ZNF185: variants seen among roughly 807,000 people sequenced by gnomAD.
The protein encoded by ZNF185 is zinc finger protein 185 with LIM domain, also known as zinc finger protein 185.
In ZNF185, 56 loss-of-function variants were observed where a neutral mutation model predicts 58.6. The ratio of observed to expected loss-of-function variants is 0.95; its 90% CI spans 0.77 to 1.19. The LOEUF (loss-of-function observed/expected upper bound fraction) is 1.19, where lower values mean the gene tolerates loss of function less well. Ranked by LOEUF, ZNF185 falls within the 50% of genes most tolerant of loss-of-function variation. The pLI, the probability that ZNF185 is intolerant of heterozygous loss-of-function variation, is 0.00. For synonymous variants in ZNF185, 230 were observed against 215.9 expected (o/e 1.07, Z -0.57); for missense variants, 627 against 573.5 (o/e 1.09, Z -0.95).
chrX:152,914,878 G>A (rs1556864483), intron 2 of ZNF185, 45 bp downstream of exon 3: 3 of 1,155,853 alleles, frequency 2.6e-6, no homozygotes, highest in Non-Finnish European at 3.5e-6. Flanking sequence ...GTGGGGGCGC[G>A]CAATCCGTGG....
intron 5 of ZNF185, chrX:152,917,759 A>G (rs782368970): frequency 2.6e-4 from 252 of 977,733 alleles, no homozygotes; most frequent in Non-Finnish European, 3.3e-4. Context: ...GTTGCATGCA[A>G]TTCAAGCACC....
chrX:152,914,590 C>G (rs1937983165), intron 1 of ZNF185, 67 bp downstream of exon 2: 1 of 1,152,254 alleles, frequency 8.7e-7, no homozygotes, highest in Non-Finnish European at 1.2e-6. Flanking sequence ...CCTGCCCCTA[C>G]AGGCCACAAG....
intron 20 of ZNF185, among the ~76,000 whole-genome samples, chrX:152,968,644 G>A (rs2050362829): frequency 8.9e-6 from 1 of 112,754 alleles, no homozygotes; most frequent in Admixed American, 9.3e-5. Flanking sequence ...TGGGTCCTCC[G>A]ACAGAGCTAA....
intron 9 of ZNF185, among the ~76,000 whole-genome samples, chrX:152,921,155 G>A (rs141598132): frequency 8.0e-5 from 9 of 112,324 alleles, no homozygotes; most frequent in African/African-American, 2.9e-4. Context: ...GCCCTAAAGG[G>A]TGAACAGGGC....
chrX:152,926,724 T>C (rs1336083872), intron 11 of ZNF185, among the ~76,000 whole-genome samples: 4 of 111,405 alleles, frequency 3.6e-5, no homozygotes, highest in Non-Finnish European at 7.5e-5. Flanking sequence ...GGGTAGCGGG[T>C]TGTGGGGGAG....
chrX:152,940,951 T>C (rs1330453861), intron 15 of ZNF185, among the ~76,000 whole-genome samples: 4 of 111,843 alleles, frequency 3.6e-5, no homozygotes, highest in African/African-American at 1.3e-4. Context: ...GAGGAGAATA[T>C]ATTGAGGCAT....
chrX:152,959,638 C>A (rs1335042822), intron 16 of ZNF185, 61 bp from the exon 19 acceptor site: 49 of 1,123,221 alleles, frequency 4.4e-5, no homozygotes, highest in Non-Finnish European at 5.7e-5. Flanking sequence ...GCCTACCTGC[C>A]ATGGGAGAAC....
exon 23 of ZNF185, chrX:152,971,398 TG>T (rs1192518251): frequency 8.9e-6 from 1 of 112,055 alleles, no homozygotes; most frequent in Non-Finnish European, 1.9e-5. Flanking sequence ...GATTTCTTCA[TG>T]CTTTTGCCCT....
intron 21 of ZNF185, 49 bp from the exon 24 acceptor site, chrX:152,970,394 C>T (rs782686758): frequency 4.4e-6 from 5 of 1,149,253 alleles, no homozygotes; most frequent in Non-Finnish European, 5.9e-6. Flanking sequence ...TCCACTCATT[C>T]CTCTTGCTTT....
intron 15 of ZNF185, among the ~76,000 whole-genome samples, chrX:152,940,929 G>C (rs1325922337): frequency 8.9e-6 from 1 of 111,958 alleles, no homozygotes; most frequent in Non-Finnish European, 1.9e-5. Context: ...AGTTGGGCAT[G>C]AATTCCAAAG....
intron 15 of ZNF185, among the ~76,000 whole-genome samples, chrX:152,939,574 AACATGCTGTGTGATCTC>A (rs1323995574): frequency 9.0e-6 from 1 of 111,512 alleles, no homozygotes; most frequent in African/African-American, 3.3e-5. Flanking sequence ...TAACATGGTT[AACATGCTGTGTGATCTC>A]ACCTTAATTT....
At chrX:152,941,951 G>A in intron 15 of ZNF185, 1 of 959,164 alleles carries the variant, frequency 1.0e-6, no homozygotes, top group East Asian at 3.8e-5. Flanking sequence ...AGCTTGTTTC[G>A]CAGGGAGCCC....
exon 18 of ZNF185, chrX:152,963,847 G>T (rs1556912212): frequency 8.3e-7 from 1 of 1,209,759 alleles, no homozygotes; most frequent in South Asian, 1.8e-5. Flanking sequence ...AGGGTGAGGA[G>T]CCCCTCGAGC....
At chrX:152,932,589 A>G (rs782548759) in intron 13 of ZNF185, among the ~76,000 whole-genome samples, 2 of 112,093 alleles carry the variant, frequency 1.8e-5, no homozygotes, top group South Asian at 7.5e-4. Flanking sequence ...CCAGACCCAC[A>G]TGTCTTGCCC....
upstream of ZNF185, among the ~76,000 whole-genome samples, chrX:152,913,335 C>T (rs1230375978): frequency 8.9e-6 from 1 of 112,475 alleles, no homozygotes; most frequent in Admixed American, 9.3e-5. Flanking sequence ...CTCCCTGCAG[C>T]TCTGGGTCGC....
At chrX:152,928,495 C>T (rs1941298784) in intron 11 of ZNF185, 80 bp from the exon 13 acceptor site, 25 of 1,011,712 alleles carry the variant, frequency 2.5e-5, no homozygotes, top group Non-Finnish European at 3.2e-5. Flanking sequence ...TGGGTCTGGG[C>T]GGCCCACCGC....
chrX:152,937,657 G>A (rs1217353098), intron 14 of ZNF185, among the ~76,000 whole-genome samples: 1 of 112,435 alleles, frequency 8.9e-6, no homozygotes, highest in African/African-American at 3.2e-5. Context: ...GTGGTTTAGA[G>A]CCAAGTATGA....
At chrX:152,959,347 C>A (rs1030068752) in intron 16 of ZNF185, among the ~76,000 whole-genome samples, 1 of 112,459 alleles carries the variant, frequency 8.9e-6, no homozygotes, top group Non-Finnish European at 1.9e-5. Flanking sequence ...TGGCTTAGGT[C>A]TTCCTAGAGA....
At chrX:152,906,205 G>A in the ZNF185 span, among the ~76,000 whole-genome samples, 1 of 112,568 alleles carries the variant, frequency 8.9e-6, no homozygotes, top group Non-Finnish European at 1.9e-5. Context: ...TCTAAGCTGA[G>A]GGATCAGCAC....
Sources: allele counts gnomAD v4.1 joint callset (sites outside exome capture counted in the v4.1 genomes callset), GRCh38; gene constraint gnomAD v4.1.1; transcripts MANE v1.5; gene names NCBI Gene and HGNC (gene_info 2026-07-23, HGNC 2026-07-21).